The following RGS6 variants were observed in gnomAD, a reference collection of about 807,000 sequenced individuals.
RGS6 encodes regulator of G protein signaling 6.
RGS6 carries 30 observed loss-of-function variants against 78.5 expected under a neutral mutation model. The observed-to-expected ratio is 0.38, with a 90% CI of 0.29 to 0.52. The LOEUF is 0.52. Ranked by LOEUF, RGS6 falls within the 20% of genes least tolerant of loss-of-function variation. The probability of loss-of-function intolerance (pLI) is 0.85; values close to 1 mark genes in which losing one functional copy is unlikely to be tolerated. For synonymous variants in RGS6, 206 were observed against 206.0 expected, an observed-to-expected ratio of 1.00 and a Z score of 0.00; for missense variants, 495 against 609.7, an observed-to-expected ratio of 0.81 and a Z score of 1.98.
intron 3 of RGS6, among the ~76,000 whole-genome samples, chr14:72,403,150 C>T (rs2092618366): frequency 1.3e-5 from 2 of 152,046 alleles, no homozygotes; most frequent in Admixed American, 6.5e-5. Context: ...ATACCTGCAC[C>T]CCATGTTTAT....
chr14:72,054,900 G>T (rs55877521), intron 2 of RGS6, among the ~76,000 whole-genome samples: 2,754 of 152,246 alleles, frequency 0.018, 84 homozygotes, highest in African/African-American at 0.063. Context: ...GAGACTTGCT[G>T]TTTCACTCAG....
At chr14:72,092,111 C>T (rs564704504) in intron 2 of RGS6, among the ~76,000 whole-genome samples, 10 of 152,190 alleles carry the variant, frequency 6.6e-5, no homozygotes, top group East Asian at 5.8e-4. Flanking sequence ...CTGTAACCTC[C>T]GCCTCCTGAA....
intron 3 of RGS6, among the ~76,000 whole-genome samples, chr14:72,414,314 T>G (rs984546236): frequency 2.0e-5 from 3 of 152,260 alleles, no homozygotes; most frequent in African/African-American, 7.2e-5. Context: ...TTTCATTCAT[T>G]TCGTCTTTCA....
intron 2 of RGS6, among the ~76,000 whole-genome samples, chr14:72,073,305 T>C (rs2094469557): frequency 6.6e-6 from 1 of 152,234 alleles, no homozygotes; most frequent in Admixed American, 6.5e-5. Context: ...GGTATTACCA[T>C]AGATTAATTG....
intron 2 of RGS6, among the ~76,000 whole-genome samples, chr14:72,300,604 A>G (rs960705298): frequency 6.6e-6 from 1 of 152,232 alleles, no homozygotes; most frequent in South Asian, 2.1e-4. Flanking sequence ...TTTGTTGACT[A>G]ATGTGACTGA....
chr14:72,199,173 A>G (rs548486151), intron 2 of RGS6, among the ~76,000 whole-genome samples: 26 of 152,314 alleles, frequency 1.7e-4, no homozygotes, highest in African/African-American at 6.0e-4. Flanking sequence ...CCAGTGATGG[A>G]ATGGTGATGG....
At chr14:72,406,859 GA>G (rs1401516116) in intron 3 of RGS6, among the ~76,000 whole-genome samples, 1 of 152,194 alleles carries the variant, frequency 6.6e-6, no homozygotes, top group Non-Finnish European at 1.5e-5. Flanking sequence ...TAAGGAGAAT[GA>G]AGGGTAGGCA....
chr14:72,202,400 C>T (rs1482380959), intron 2 of RGS6, among the ~76,000 whole-genome samples: 3 of 151,996 alleles, frequency 2.0e-5, no homozygotes, highest in Admixed American at 1.3e-4. Context: ...CTCCAGATTC[C>T]CCTGTGGACC....
chr14:72,061,556 TC>T (rs1242567954), intron 2 of RGS6, among the ~76,000 whole-genome samples: 1 of 152,146 alleles, frequency 6.6e-6, no homozygotes, highest in African/African-American at 2.4e-5. Context: ...GACCCTGGTT[TC>T]AACTGGAAAA....
In RGS6 at chr14:72,352,086, C is replaced by G. The variant is rs906577763; in HGVS notation, c.85-9C>G. On this transcript the variant is annotated splice_polypyrimidine_tract_variant and intron_variant, in intron 2 of 17. Transcript: ENST00000553525. The stretch of plus-strand genomic sequence containing the variant: ...GAAAATAACACTTCTTTTCTTTAAC[C>G]TCTTTCAGATTGAAGACATCATTAC... 1 of 1,600,040 alleles carries G rather than the reference C, an allele frequency of 6.2e-7. No homozygotes were observed. The highest frequency in any genetic ancestry group is 1.7e-5 in the Admixed American group (1 of 58,852).
chr14:72,016,332 CTGTG>C (rs958403610), intron 2 of RGS6, among the ~76,000 whole-genome samples: 10 of 152,180 alleles, frequency 6.6e-5, no homozygotes, highest in Admixed American at 3.9e-4. Flanking sequence ...ACACGTGTGA[CTGTG>C]TGTGGCTTCT....
intron 2 of RGS6, among the ~76,000 whole-genome samples, chr14:72,228,393 TAATAA>T (rs770162270): frequency 6.0e-5 from 8 of 133,108 alleles, no homozygotes; most frequent in South Asian, 2.3e-4. Context: ...AAAATAATAA[TAATAA>T]AATAAAAATA....
the RGS6 span, among the ~76,000 whole-genome samples, chr14:72,587,474 G>A: frequency 1.3e-5 from 2 of 152,136 alleles, no homozygotes; most frequent in East Asian, 3.9e-4. Flanking sequence ...AATAGTCATT[G>A]GGCATTTCTC....
intron 3 of RGS6, among the ~76,000 whole-genome samples, chr14:72,436,659 A>C (rs1354032353): frequency 6.6e-6 from 1 of 152,202 alleles, no homozygotes; most frequent in Admixed American, 6.5e-5. Context: ...TCTTAACATA[A>C]ATGTATTTAA....
At chr14:72,313,436 G>A (rs1011542019) in intron 2 of RGS6, among the ~76,000 whole-genome samples, 6 of 152,304 alleles carry the variant, frequency 3.9e-5, no homozygotes, top group Non-Finnish European at 7.3e-5. Context: ...AGTAGAGACC[G>A]CTTGCTTTTC....
chr14:72,370,357 TA>T (rs1206860489), intron 3 of RGS6, among the ~76,000 whole-genome samples: 4 of 152,114 alleles, frequency 2.6e-5, no homozygotes, highest in Non-Finnish European at 5.9e-5. Context: ...TCCTATGCCA[TA>T]GGGGTTGTGG....
intron 2 of RGS6, among the ~76,000 whole-genome samples, chr14:72,338,054 T>TATCTA (rs2076358420): frequency 6.6e-6 from 1 of 152,248 alleles, no homozygotes; most frequent in Admixed American, 6.5e-5. Flanking sequence ...CTGCATAGCT[T>TATCTA]ATTTTTTCTC....
intron 2 of RGS6, among the ~76,000 whole-genome samples, chr14:72,139,319 A>C (rs1023530846): frequency 6.6e-6 from 1 of 152,180 alleles, no homozygotes; most frequent in Non-Finnish European, 1.5e-5. Context: ...ATAGTCTTCT[A>C]ATATAGGCCT....
At chr14:72,203,913 C>T in intron 2 of RGS6, among the ~76,000 whole-genome samples, 1 of 151,092 alleles carries the variant, frequency 6.6e-6, no homozygotes, top group Admixed American at 6.6e-5. Context: ...CAACCTCCAC[C>T]TCTCGAGTTC....
Sources: gnomAD v4.1 joint callset for allele counts (sites outside exome capture counted in the v4.1 genomes callset) on GRCh38, gnomAD v4.1.1 for gene constraint, MANE v1.5 for transcripts, NCBI Gene and HGNC (gene_info 2026-07-23, HGNC 2026-07-21) for gene names.